ARL4C: variants seen among roughly 807,000 people sequenced by gnomAD.
ARL4C encodes ARF like GTPase 4C.
A neutral mutation model predicts 12.8 loss-of-function variants in ARL4C; 5 were observed. That is an observed-to-expected ratio of 0.39 (90% CI 0.20 to 0.82). ARL4C has a LOEUF of 0.82. Ranked by LOEUF, ARL4C falls within the 40% of genes least tolerant of loss-of-function variation. The pLI is 0.39. For synonymous variants in ARL4C, 119 were observed against 119.4 expected, an observed-to-expected ratio of 1.00 and a Z score of 0.02; for missense variants, 148 against 265.2, an observed-to-expected ratio of 0.56 and a Z score of 3.07.
In ARL4C at chr2:234,496,662, C is replaced by T; in HGVS notation, c.-76G>A. ...CCCCCGAGCAGTCACGGGCCCGACG[C>T]GGCCGGGCGCACCTGGGCCCCGCCC... On this transcript the variant is annotated 5_prime_UTR_variant, in exon 1 of 2. Coordinates refer to ENST00000339728, the MANE Select transcript of ARL4C (RefSeq NM_001282431.2). 1 of 1,015,284 alleles carries T rather than the reference C, an allele frequency of 9.8e-7. No homozygotes were observed. Among genetic ancestry groups the T allele is most frequent in the Non-Finnish European group, 1.2e-6 (1 of 821,290 alleles). 62.9% of individuals were successfully genotyped at this position (1,015,284 alleles called of 1,614,324 possible).
In ARL4C at chr2:234,495,928, CCA is replaced by C. The variant is rs910227607; in HGVS notation, c.575+82_575+83del. On this transcript the variant is annotated intron_variant, in intron 1 of 1. Transcript: ENST00000339728. ...CGGGCGCGGGTTCTCGCTCATCCAT[CCA>C]TCCATCCATCCAACCATCCATCCAT... 15 of 1,607,928 alleles carry C rather than the reference CCA, an allele frequency of 9.3e-6. No individual in the cohort carries two copies. The Admixed American group carries it at 1.3e-4, about 14-fold the overall frequency.
Position 234,495,815 on chromosome 2 carries a change from G to A in ARL4C, c.597C>T (p.Cys199=). 1.9e-6 allele frequency: 3 copies of A among 1,598,468 alleles called. No individual in the cohort carries two copies. Among genetic ancestry groups the A allele is most frequent in the South Asian group, 1.1e-5 (1 of 91,088 alleles). ...AGAGTAGGCCGGTAAATCAGACTTC[G>A]CAGCTCCTTAAGTCACCAGTCCTGC... ...KKKRTGDLRS[C]EV is the part of the protein sequence containing the mutation. The change falls in exon 2 of 2, where the codon TGC becomes TGT. Residue 199 remains cysteine, a synonymous_variant. Coordinates refer to ENST00000339728, the MANE Select transcript of ARL4C (RefSeq NM_001282431.2).
rs1487448801 is a variant in ARL4C, at chr2:234,496,678, G to A, written c.-92C>T. The A allele has an allele frequency of 1.1e-5, 8 of 761,136 alleles. No homozygotes were observed. The African/African-American group carries it at 1.5e-4, about 14-fold the overall frequency. The allele number at this position is 761,136 out of a possible 1,614,324, so 47.1% of individuals were successfully genotyped here. ...GGCCCGACGCGGCCGGGCGCACCTG[G>A]GCCCCGCCCGCCGCCGCCCGCACCG... is the stretch of plus-strand genomic sequence containing the variant. On this transcript the variant is annotated 5_prime_UTR_variant, in exon 1 of 2. Coordinates refer to ENST00000339728, the MANE Select transcript of ARL4C (RefSeq NM_001282431.2).
At position 234,495,008 on chromosome 2, in the gene ARL4C, G is replaced by A. The variant is rs1443098585; in HGVS notation, c.*798C>T. On this transcript the variant is annotated 3_prime_UTR_variant, in exon 2 of 2. Coordinates refer to ENST00000339728, the MANE Select transcript of ARL4C (RefSeq NM_001282431.2). ...TGCCGATTACACAGTACACAGTACA[G>A]AGGGAGGTCCCTATATCCACACACA... 6.6e-6 allele frequency: 1 copy of A among 152,338 alleles called. No individual in the cohort carries two copies. The highest frequency in any genetic ancestry group is 2.4e-5 in the African/African-American group (1 of 41,222). The allele number at this position is 152,338 out of a possible 1,614,324, so 9.4% of individuals were successfully genotyped here. A position where few individuals can be genotyped will look rare whatever the true frequency, so the allele number is the denominator to read the frequency against.
At chr2:234,495,934 A>T in intron 1 of ARL4C, 78 bp downstream of exon 1, 1 of 1,608,900 alleles carries the variant, frequency 6.2e-7, no homozygotes, top group Non-Finnish European at 8.5e-7. Context: ...CCATCCATCC[A>T]TCCATCCAAC....
In ARL4C at chr2:234,493,569, A is replaced by G. The variant is rs911662436; in HGVS notation, c.*2237T>C. The G allele has an allele frequency of 6.5e-6, 1 of 152,684 alleles. No individual in the cohort carries two copies. Among genetic ancestry groups the G allele is most frequent in the African/African-American group, 2.4e-5 (1 of 41,470 alleles). The allele number at this position is 152,684 out of a possible 1,614,324, so 9.5% of individuals were successfully genotyped here. On this transcript the variant is annotated 3_prime_UTR_variant, in exon 2 of 2. Transcript: ENST00000339728. ...TATTGATTATGCAAAAAACAAAATCATCTCGCATCAGTTTTAAAGCATGAC... is the reference window on the plus strand; with the variant it reads ...TATTGATTATGCAAAAAACAAAATCGTCTCGCATCAGTTTTAAAGCATGAC...
rs766107003 is a variant in ARL4C, at chr2:234,495,220, T to A, written c.*586A>T. ...ACACATGGACAGGGTCCAAACCATC[T>A]GGAAGATGTCTGATTCCAGGCTGAA... On this transcript the variant is annotated 3_prime_UTR_variant, in exon 2 of 2. Transcript: ENST00000339728. 1 of 156,580 alleles carries A rather than the reference T, an allele frequency of 6.4e-6. No individual in the cohort carries two copies. Among genetic ancestry groups the A allele is most frequent in the South Asian group, 1.9e-4 (1 of 5,176 alleles). 9.7% of individuals were successfully genotyped at this position (156,580 alleles called of 1,614,324 possible).
Position 234,493,451 on chromosome 2 carries a change from T to A in ARL4C, c.*2355A>T, listed in dbSNP as rs1401387891. Reference sequence around the variant, plus strand: ...AACGGGCTATTATTAGGTCAAACATTACAGAAATCAACTGAGACTCTTAAC... The same window carrying A: ...AACGGGCTATTATTAGGTCAAACATAACAGAAATCAACTGAGACTCTTAAC... On this transcript the variant is annotated 3_prime_UTR_variant, in exon 2 of 2. Coordinates refer to ENST00000339728, the MANE Select transcript of ARL4C (RefSeq NM_001282431.2). 6.6e-6 allele frequency: 1 copy of A among 152,296 alleles called. No individual in the cohort carries two copies. Among genetic ancestry groups the A allele is most frequent in the Non-Finnish European group, 1.5e-5 (1 of 68,038 alleles). 9.4% of individuals were successfully genotyped at this position (152,296 alleles called of 1,614,324 possible). A position where few individuals can be genotyped will look rare whatever the true frequency, so the allele number is the denominator to read the frequency against.
Position 234,495,512 on chromosome 2 carries a change from GCC to G in ARL4C, c.*292_*293del. The G allele has an allele frequency of 3.5e-6, 2 of 566,154 alleles. No individual in the cohort carries two copies. Among genetic ancestry groups the G allele is most frequent in the Non-Finnish European group, 6.3e-6 (2 of 315,980 alleles). The allele number at this position is 566,154 out of a possible 1,614,324, so 35.1% of individuals were successfully genotyped here. ...GAGGTGGTCCCCCCAGAACCAACATGCCCCCCAAGGTGGGTACGCCCACGGTT... is the reference window on the plus strand; with the variant it reads ...GAGGTGGTCCCCCCAGAACCAACATGCCCCAAGGTGGGTACGCCCACGGTT... On this transcript the variant is annotated 3_prime_UTR_variant, in exon 2 of 2. Coordinates refer to ENST00000339728, the MANE Select transcript of ARL4C (RefSeq NM_001282431.2).
In ARL4C at chr2:234,496,655, C is replaced by T. The variant is rs1691789549; in HGVS notation, c.-69G>A. ...GCGCCGCCCCCCGAGCAGTCACGGG[C>T]CCGACGCGGCCGGGCGCACCTGGGC... On this transcript the variant is annotated 5_prime_UTR_variant, in exon 1 of 2. Coordinates refer to ENST00000339728, the MANE Select transcript of ARL4C (RefSeq NM_001282431.2). 6 of 1,097,512 alleles carry T rather than the reference C, an allele frequency of 5.5e-6. No homozygotes were observed. Among genetic ancestry groups the T allele is most frequent in the Non-Finnish European group, 6.8e-6 (6 of 882,360 alleles). 68.0% of individuals were successfully genotyped at this position (1,097,512 alleles called of 1,614,324 possible).
In ARL4C at chr2:234,493,821, G is replaced by C. The variant is rs1691737903; in HGVS notation, c.*1985C>G. On this transcript the variant is annotated 3_prime_UTR_variant, in exon 2 of 2. Coordinates refer to ENST00000339728, the MANE Select transcript of ARL4C (RefSeq NM_001282431.2). ...TCAGATGATGGGACCAGCCCATTTA[G>C]AAATCAGTGGATATGCTGTCGATAT... 1 of 152,436 alleles carries C rather than the reference G, an allele frequency of 6.6e-6. No individual in the cohort carries two copies. 9.4% of individuals were successfully genotyped at this position (152,436 alleles called of 1,614,324 possible). A position where few individuals can be genotyped will look rare whatever the true frequency, so the allele number is the denominator to read the frequency against.
Position 234,495,564 on chromosome 2 carries a change from T to C in ARL4C, c.*242A>G. The C allele has an allele frequency of 1.6e-6, 1 of 612,712 alleles. No individual in the cohort carries two copies. 38.0% of individuals were successfully genotyped at this position (612,712 alleles called of 1,614,324 possible). On this transcript the variant is annotated 3_prime_UTR_variant, in exon 2 of 2. Coordinates refer to ENST00000339728, the MANE Select transcript of ARL4C (RefSeq NM_001282431.2). The stretch of plus-strand genomic sequence containing the variant: ...TCTGGGAAATGCATACCTCAGGTAA[T>C]TCACAGGTGCGATCCCCCAGTGGAG...
At position 234,495,715 on chromosome 2, in the gene ARL4C, G is replaced by A; in HGVS notation, c.*91C>T. On this transcript the variant is annotated 3_prime_UTR_variant, in exon 2 of 2. Coordinates refer to ENST00000339728, the MANE Select transcript of ARL4C (RefSeq NM_001282431.2). ...AGGACCGGCTCTTCCACTCCCCACCGCGGCCCCCCGACCTGGTCAGTAGCT... is the reference window on the plus strand; with the variant it reads ...AGGACCGGCTCTTCCACTCCCCACCACGGCCCCCCGACCTGGTCAGTAGCT... 1 of 1,536,722 alleles carries A rather than the reference G, an allele frequency of 6.5e-7. No individual in the cohort carries two copies. The highest frequency in any genetic ancestry group is 8.9e-7 in the Non-Finnish European group (1 of 1,124,586).
chr2:234,493,736 T>A lies in ARL4C; in HGVS notation c.*2070A>T, dbSNP rs186215384. 1 of 152,736 alleles carries A rather than the reference T, an allele frequency of 6.5e-6. No individual in the cohort carries two copies. Among genetic ancestry groups the A allele is most frequent in the African/African-American group, 2.4e-5 (1 of 41,572 alleles). The allele number at this position is 152,736 out of a possible 1,614,324, so 9.5% of individuals were successfully genotyped here. A position where few individuals can be genotyped will look rare whatever the true frequency, so the allele number is the denominator to read the frequency against. On this transcript the variant is annotated 3_prime_UTR_variant, in exon 2 of 2. Transcript: ENST00000339728. ...AAATGTCAAAGTGCTTAAGAAATTG[T>A]CGCATGTGAAGAAAATAAAGAAAGA...
chr2:234,495,920 T>TCATCCATC (rs987125872), intron 1 of ARL4C, 84 bp from the exon 2 acceptor site: 40 of 1,607,102 alleles, frequency 2.5e-5, no homozygotes, highest in Middle Eastern at 1.6e-4. Flanking sequence ...GGGTTCTCGC[T>TCATCCATC]CATCCATCCA....
Position 234,495,724 on chromosome 2 carries a change from C to T in ARL4C, c.*82G>A. 1 of 1,576,878 alleles carries T rather than the reference C, an allele frequency of 6.3e-7. No homozygotes were observed. The highest frequency in any genetic ancestry group is 1.1e-5 in the South Asian group (1 of 90,618). On this transcript the variant is annotated 3_prime_UTR_variant, in exon 2 of 2. Coordinates refer to ENST00000339728, the MANE Select transcript of ARL4C (RefSeq NM_001282431.2). ...TCTTCCACTCCCCACCGCGGCCCCC[C>T]GACCTGGTCAGTAGCTCTGGCGTTC...
In ARL4C at chr2:234,494,177, G is replaced by A. The variant is rs1691742825; in HGVS notation, c.*1629C>T. ...GTAAAGAAATGTGTAACAATGGGGGGAAAGTCATAATTCTACCTGAAAACA... is the reference window on the plus strand; with the variant it reads ...GTAAAGAAATGTGTAACAATGGGGGAAAAGTCATAATTCTACCTGAAAACA... On this transcript the variant is annotated 3_prime_UTR_variant, in exon 2 of 2. Coordinates refer to ENST00000339728, the MANE Select transcript of ARL4C (RefSeq NM_001282431.2). The A allele has an allele frequency of 6.6e-6, 1 of 152,502 alleles. No homozygotes were observed. Among genetic ancestry groups the A allele is most frequent in the Non-Finnish European group, 1.5e-5 (1 of 68,032 alleles). 9.4% of individuals were successfully genotyped at this position (152,502 alleles called of 1,614,324 possible). A position where few individuals can be genotyped will look rare whatever the true frequency, so the allele number is the denominator to read the frequency against.
In ARL4C at chr2:234,494,596, G is replaced by C. The variant is rs568687041; in HGVS notation, c.*1210C>G. ...CAACGAGGTCAGCTTTTGCAACAAG[G>C]TGGGGTTTTATTTTTTTGGTGCATG... On this transcript the variant is annotated 3_prime_UTR_variant, in exon 2 of 2. Transcript: ENST00000339728. 1 of 152,438 alleles carries C rather than the reference G, an allele frequency of 6.6e-6. No individual in the cohort carries two copies. Among genetic ancestry groups the C allele is most frequent in the South Asian group, 2.1e-4 (1 of 4,824 alleles). The allele number at this position is 152,438 out of a possible 1,614,324, so 9.4% of individuals were successfully genotyped here.
Position 234,493,262 on chromosome 2 carries a change from C to T in ARL4C, c.*2544G>A, listed in dbSNP as rs1691729582. ...TGTCTATTAGAAAACATTTCCAAAG[C>T]TCACGGAGGGAGGCCAACTTCCCCT... On this transcript the variant is annotated 3_prime_UTR_variant, in exon 2 of 2. Transcript: ENST00000339728. 6.6e-6 allele frequency: 1 copy of T among 152,292 alleles called. No homozygotes were observed. Among genetic ancestry groups the T allele is most frequent in the Admixed American group, 6.5e-5 (1 of 15,288 alleles). The allele number at this position is 152,292 out of a possible 1,614,324, so 9.4% of individuals were successfully genotyped here. A position where few individuals can be genotyped will look rare whatever the true frequency, so the allele number is the denominator to read the frequency against.
Sources: gnomAD v4.1 joint callset for allele counts on GRCh38, gnomAD v4.1.1 for gene constraint, MANE v1.5 for transcripts, NCBI Gene and HGNC (gene_info 2026-07-23, HGNC 2026-07-21) for gene names.